The following PCYT1A variants were observed in gnomAD, a reference collection of about 807,000 sequenced individuals.
The protein encoded by PCYT1A is phosphate cytidylyltransferase 1A, choline, also known as choline-phosphate cytidylyltransferase A.
In PCYT1A, 25 loss-of-function variants were observed where a neutral mutation model predicts 43.7. That is an observed-to-expected ratio of 0.57 (90% CI 0.42 to 0.80). The LOEUF (loss-of-function observed/expected upper bound fraction) is 0.80, where lower values mean the gene tolerates loss of function less well. Ranked by LOEUF, PCYT1A falls within the 30% of genes least tolerant of loss-of-function variation. The pLI is 0.00. For missense variants in PCYT1A, 421 were observed against 474.2 expected (o/e 0.89, Z 1.04); for synonymous variants, 172 against 170.7 (o/e 1.01, Z -0.06).
At chr3:196,272,890 C>A (rs1355800626) in intron 1 of PCYT1A, among the ~76,000 whole-genome samples, 1 of 152,254 alleles carries the variant, frequency 6.6e-6, no homozygotes, top group Non-Finnish European at 1.5e-5. Flanking sequence ...GCACCTTTGC[C>A]TGAGTTTTGC....
chr3:196,283,164 C>T (rs1418090461), intron 1 of PCYT1A, among the ~76,000 whole-genome samples: 1 of 152,224 alleles, frequency 6.6e-6, no homozygotes, highest in African/African-American at 2.4e-5. Flanking sequence ...ATGATGAAAC[C>T]CCGTCTCTAC....
chr3:196,241,833 G>T, intron 7 of PCYT1A, 115 bp downstream of exon 7: 1 of 1,306,618 alleles, frequency 7.7e-7, no homozygotes, highest in South Asian at 1.2e-5. Flanking sequence ...TTCATTCACT[G>T]AACTTTTGGG....
Position 196,257,866 on chromosome 3 carries a change from A to G in PCYT1A, c.139T>C (p.Phe47Leu). The change falls in exon 3 of 9, where the codon TTT becomes CTT. Residue 47 changes from phenylalanine to leucine, a missense_variant. This residue lies in a region of PCYT1A where 139 missense variants were observed against 117.7 expected (regional missense o/e 1.18). Transcript: ENST00000431016. ...AAGTCAACTTCAATTTCATCAGAAA[A>G]AGGAGCTGGTTGCCGTAAGCCCTTA... ...CAVGLRQPAP[F>L]SDEIEVDFSK... The G allele has an allele frequency of 6.2e-7, 1 of 1,613,388 alleles. No individual in the cohort carries two copies. Among genetic ancestry groups the G allele is most frequent in the Non-Finnish European group, 8.5e-7 (1 of 1,179,404 alleles).
rs1433265727 is a variant in PCYT1A at position 196,247,513 on chromosome 3, T to G, written c.340A>C (p.Ser114Arg). The change falls in exon 5 of 9, where the codon AGT becomes CGT. Residue 114 changes from serine (S) to arginine (R), a missense_variant. Physicochemically the swap from Ser to Arg is moderately radical, Grantham distance 110. Coordinates refer to ENST00000431016, the MANE Select transcript of PCYT1A (RefSeq NM_001312673.2). This position sits in a 1 kb window ranked among gnomAD's most constrained non-coding sequence, Gnocchi z 4.8. ...TTGAAGTTGTGTGTGAGCTCATCACTGCAAACTGGTTCACCACATCATAAA... is the reference window on the plus strand; with the variant it reads ...TTGAAGTTGTGTGTGAGCTCATCACGGCAAACTGGTTCACCACATCATAAA... ...PNTYLIVGVC[S>R]DELTHNFKGF... 1 of 1,614,018 alleles carries G rather than the reference T, an allele frequency of 6.2e-7. No individual in the cohort carries two copies. The highest frequency in any genetic ancestry group is 1.3e-5 in the African/African-American group (1 of 74,946).
At chr3:196,275,604 A>G (rs1218652377) in intron 1 of PCYT1A, among the ~76,000 whole-genome samples, 1 of 151,982 alleles carries the variant, frequency 6.6e-6, no homozygotes, top group South Asian at 2.1e-4. Flanking sequence ...GTGGTGGCGC[A>G]TATCTGTAAT....
intron 1 of PCYT1A, 43 bp from the exon 2 acceptor site, chr3:196,270,584 G>A (rs1725402318): frequency 1.5e-6 from 2 of 1,325,392 alleles, no homozygotes; most frequent in Non-Finnish European, 2.2e-6. Context: ...CATTGGGGTG[G>A]GAAAAAGTTT....
intron 1 of PCYT1A, among the ~76,000 whole-genome samples, chr3:196,272,216 A>C: frequency 6.9e-6 from 1 of 145,308 alleles, no homozygotes; most frequent in African/African-American, 2.6e-5. Context: ...AAAGAGTCTC[A>C]CTCCGTCACC....
intron 1 of PCYT1A, among the ~76,000 whole-genome samples, chr3:196,279,554 C>T (rs541354338): frequency 6.6e-6 from 1 of 152,282 alleles, no homozygotes; most frequent in South Asian, 2.1e-4. Flanking sequence ...GGTTTGGTTT[C>T]TGCTGACTCA....
Position 196,243,521 on chromosome 3 carries a change from C to CCCCTCT in PCYT1A, c.487-887_487-882dup, listed in dbSNP as rs1159056388. ...CTCTCCCCTCTCCCTTCTCCCCTCT[C>CCCCTCT]CCCTCTCCCTCTCCCCACGGTCTCC... On this transcript the variant is annotated intron_variant, in intron 5 of 8. Transcript: ENST00000431016. 3.3e-5 allele frequency among the ~76,000 whole-genome samples: 5 copies of CCCCTCT among 151,666 alleles called. 1 individual carries two copies. The highest frequency in any genetic ancestry group is 1.9e-4 in the East Asian group (1 of 5,146).
chr3:196,245,340 G>T (rs147493501), intron 5 of PCYT1A, among the ~76,000 whole-genome samples: 1 of 152,024 alleles, frequency 6.6e-6, no homozygotes, highest in African/African-American at 2.4e-5. Flanking sequence ...GGGTTTCACC[G>T]TGTTGGCCAG....
chr3:196,253,671 T>C (rs1274571819), intron 3 of PCYT1A, among the ~76,000 whole-genome samples: 1 of 152,192 alleles, frequency 6.6e-6, no homozygotes, highest in Admixed American at 6.5e-5. Flanking sequence ...GATGCGCCTC[T>C]TGCTCTCTCC....
rs1724610435 is a variant in PCYT1A at position 196,247,544 on chromosome 3, T to C, written c.335-26A>G. The C allele has an allele frequency of 6.2e-7, 1 of 1,612,536 alleles. No homozygotes were observed. Among genetic ancestry groups the C allele is most frequent in the Non-Finnish European group, 8.5e-7 (1 of 1,178,646 alleles). On this transcript the variant is annotated intron_variant, in intron 4 of 8. Coordinates refer to ENST00000431016, the MANE Select transcript of PCYT1A (RefSeq NM_001312673.2). This position sits in a 1 kb window ranked among gnomAD's most constrained non-coding sequence, Gnocchi z 4.8. ...CTGGTTCACCACATCATAAATTGTG[T>C]GTTGGAGTCCTCTTTGCTTAGCACC... is the stretch of plus-strand genomic sequence containing the variant.
chr3:196,256,319 G>A (rs973918082), intron 3 of PCYT1A, among the ~76,000 whole-genome samples: 2 of 151,924 alleles, frequency 1.3e-5, no homozygotes, highest in African/African-American at 2.4e-5. Context: ...GTGAAACCCC[G>A]TCTCTACTAA....
chr3:196,284,147 A>G (rs1242361491), intron 1 of PCYT1A, among the ~76,000 whole-genome samples: 1 of 152,214 alleles, frequency 6.6e-6, no homozygotes, highest in Non-Finnish European at 1.5e-5. Context: ...CAGTTATGTA[A>G]ATACTTAGAA....
At chr3:196,265,109 G>A (rs1424081694) in intron 2 of PCYT1A, among the ~76,000 whole-genome samples, 1 of 151,832 alleles carries the variant, frequency 6.6e-6, no homozygotes, top group African/African-American at 2.4e-5. Context: ...TGTTGCCCAG[G>A]CTGGAGTGCA....
chr3:196,286,148 C>A (rs1725907744), intron 1 of PCYT1A, among the ~76,000 whole-genome samples: 1 of 151,538 alleles, frequency 6.6e-6, no homozygotes, highest in Non-Finnish European at 1.5e-5. Flanking sequence ...CTGCAACCAC[C>A]GCCTCCTGGG....
chr3:196,272,679 G>A (rs1412925163), intron 1 of PCYT1A, among the ~76,000 whole-genome samples: 2 of 152,084 alleles, frequency 1.3e-5, no homozygotes, highest in Non-Finnish European at 2.9e-5. Context: ...AACACCTCAA[G>A]CTTGTTCACA....
chr3:196,260,431 A>G (rs973702669), intron 2 of PCYT1A, among the ~76,000 whole-genome samples: 3 of 152,252 alleles, frequency 2.0e-5, no homozygotes, highest in African/African-American at 7.2e-5. Flanking sequence ...CTGTGAATAT[A>G]AAATAATGTG....
At position 196,242,919 on chromosome 3, in the gene PCYT1A, G is replaced by T; in HGVS notation, c.487-279C>A. Reference sequence around the variant, plus strand: ...CACTCTGTATACCAGTCATCTTGCTGTGGTCAATAGGGCCAGAGGGTTTGC... The same window carrying T: ...CACTCTGTATACCAGTCATCTTGCTTTGGTCAATAGGGCCAGAGGGTTTGC... On this transcript the variant is annotated intron_variant, in intron 5 of 8. Coordinates refer to ENST00000431016, the MANE Select transcript of PCYT1A (RefSeq NM_001312673.2). The surrounding 1 kb of genome is among the most constrained non-coding windows in gnomAD (Gnocchi z 4.2). 2.3e-6 allele frequency: 1 copy of T among 434,852 alleles called. No individual in the cohort carries two copies. The highest frequency in any genetic ancestry group is 2.4e-5 in the South Asian group (1 of 41,176). 26.9% of individuals were successfully genotyped at this position (434,852 alleles called of 1,614,324 possible).
Sources: gnomAD v4.1 joint callset for allele counts (sites outside exome capture counted in the v4.1 genomes callset) on GRCh38, gnomAD v4.1.1 for gene constraint, gnomAD v4.1.1 regional missense constraint, Gnocchi (gnomAD v3.1) non-coding constraint, MANE v1.5 for transcripts, NCBI Gene and HGNC (gene_info 2026-07-23, HGNC 2026-07-21) for gene names.